Variants in CEP112 observed in about 807,000 individuals in gnomAD.
CEP112 encodes centrosomal protein of 112 kDa.
Under a neutral mutation model 153.0 loss-of-function variants are expected in CEP112, and 127 were observed. That is an observed-to-expected ratio of 0.83 (90% CI 0.72 to 0.96). The LOEUF (loss-of-function observed/expected upper bound fraction) is 0.96. Among genes scored for constraint, CEP112 ranks in the 40% least tolerant of loss-of-function variants. The probability of loss-of-function intolerance (pLI) is 0.00; values close to 1 mark genes in which losing one functional copy is unlikely to be tolerated. For synonymous variants in CEP112, 358 were observed against 374.4 expected (o/e 0.96, Z 0.51); for missense variants, 1,089 against 1,101.2 (o/e 0.99, Z 0.16).
chr17:65,644,374 AT>A, intron 24 of CEP112: 1 of 560,194 alleles, frequency 1.8e-6, no homozygotes. Context: ...CAAGTCTGGC[AT>A]TTTCCAGGGT....
intron 19 of CEP112, among the ~76,000 whole-genome samples, chr17:65,916,287 G>GTGTGTATGTA (rs1555711272): frequency 0.052 from 7,721 of 147,278 alleles, 221 homozygotes; most frequent in Middle Eastern, 0.07. Flanking sequence ...GTGTGTGTGT[G>GTGTGTATGTA]TGTGTATGTG....
chr17:66,149,110 C>A (rs1297884655), intron 4 of CEP112, among the ~76,000 whole-genome samples: 2 of 152,168 alleles, frequency 1.3e-5, no homozygotes, highest in Non-Finnish European at 2.9e-5. Flanking sequence ...TCCTTTGATT[C>A]TGTTAATGCT....
At chr17:65,899,297 T>C (rs1028339799) in intron 20 of CEP112, among the ~76,000 whole-genome samples, 1 of 152,132 alleles carries the variant, frequency 6.6e-6, no homozygotes, top group South Asian at 2.1e-4. Flanking sequence ...TCTTGTATGA[T>C]GGTGGTAAAA....
chr17:65,799,821 C>T (rs2055157061), intron 21 of CEP112, among the ~76,000 whole-genome samples: 1 of 152,234 alleles, frequency 6.6e-6, no homozygotes, highest in African/African-American at 2.4e-5. Context: ...ATTGCTCACA[C>T]ACACACTGGC....
At chr17:66,125,046 AT>A (rs2069777938) in intron 6 of CEP112, among the ~76,000 whole-genome samples, 1 of 152,150 alleles carries the variant, frequency 6.6e-6, no homozygotes, top group African/African-American at 2.4e-5. Context: ...AATAATAAAT[AT>A]TTACTATTTA....
chr17:66,025,920 T>TACACATACACACACACACACACACAC (rs2065182341), intron 16 of CEP112, among the ~76,000 whole-genome samples: 5 of 124,592 alleles, frequency 4.0e-5, no homozygotes, highest in Non-Finnish European at 6.7e-5. Flanking sequence ...AAATGTGGCA[T>TACACATACACACACACACACACACAC]ACACACACAC....
chr17:65,967,962 TATG>T (rs1168976741), intron 17 of CEP112, among the ~76,000 whole-genome samples: 2 of 152,164 alleles, frequency 1.3e-5, no homozygotes, highest in Non-Finnish European at 2.9e-5. Context: ...AAATCCCACA[TATG>T]ATGCTATTTT....
intron 23 of CEP112, among the ~76,000 whole-genome samples, chr17:65,702,947 C>T (rs973159261): frequency 1.3e-5 from 2 of 152,114 alleles, no homozygotes; most frequent in East Asian, 1.9e-4. Context: ...TCCCATGACA[C>T]GTGGGGATTA....
intron 17 of CEP112, among the ~76,000 whole-genome samples, chr17:65,995,694 ATGTCT>A (rs1485846007): frequency 2.0e-5 from 3 of 152,088 alleles, no homozygotes; most frequent in Non-Finnish European, 2.9e-5. Context: ...CTTTTACAAA[ATGTCT>A]GATTTTTACC....
intron 6 of CEP112, among the ~76,000 whole-genome samples, chr17:66,104,442 GAGCCCTTGGTCTCTGAATGCTC>G (rs1263477129): frequency 6.6e-6 from 1 of 152,154 alleles, no homozygotes; most frequent in Admixed American, 6.6e-5. Flanking sequence ...GCTGACTAAA[GAGCCCTTGGTCTCTGAATGCTC>G]AGCAGTGACA....
intron 4 of CEP112, among the ~76,000 whole-genome samples, chr17:66,149,537 T>C (rs1443181304): frequency 2.6e-5 from 4 of 152,220 alleles, no homozygotes; most frequent in Non-Finnish European, 5.9e-5. Context: ...TATTCTATTC[T>C]TCATAATTTA....
At chr17:66,027,423 T>C (rs2065260841) in intron 16 of CEP112, 78 bp downstream of exon 16, 2 of 1,218,040 alleles carry the variant, frequency 1.6e-6, no homozygotes, top group South Asian at 1.5e-5. Flanking sequence ...TGAGAATGTA[T>C]GGTTTCATAA....
chr17:65,648,231 C>T (rs1598186214), intron 24 of CEP112, among the ~76,000 whole-genome samples: 1 of 152,156 alleles, frequency 6.6e-6, no homozygotes, highest in African/African-American at 2.4e-5. Context: ...AGGGGCTTCC[C>T]TCTCTCCACC....
intron 17 of CEP112, among the ~76,000 whole-genome samples, chr17:65,970,265 TTACA>T (rs1246743459): frequency 2.0e-5 from 3 of 152,026 alleles, no homozygotes; most frequent in Admixed American, 6.6e-5. Context: ...TGCACACATA[TTACA>T]TGCATGTATG....
rs181889129 is a variant in CEP112, at chr17:66,168,385, A to G, written c.470+6659T>C. Among the ~76,000 whole-genome samples, 1,083 of 150,168 alleles carry G rather than the reference A, an allele frequency of 7.2e-3. 6 individuals carry two copies. Among genetic ancestry groups the G allele is most frequent in the Admixed American group, 0.012 (174 of 14,838 alleles). On this transcript the variant is annotated intron_variant, in intron 4 of 26. Coordinates refer to ENST00000535342, the MANE Select transcript of CEP112 (RefSeq NM_001199165.4). ...GATCTTGCCATAATAACCTATATAT[A>G]TGTGTGTGTATATATATGTGTATAT...
chr17:65,676,884 A>G (rs1412172614), intron 24 of CEP112, among the ~76,000 whole-genome samples: 5 of 152,204 alleles, frequency 3.3e-5, no homozygotes, highest in Non-Finnish European at 5.9e-5. Context: ...CTTAAGCTGA[A>G]GAGTAGAAAA....
intron 21 of CEP112, among the ~76,000 whole-genome samples, chr17:65,806,412 G>C (rs192464806): frequency 9.8e-5 from 15 of 152,320 alleles, no homozygotes; most frequent in African/African-American, 3.4e-4. Flanking sequence ...TCATGTGTTG[G>C]AAAGTTAATC....
At chr17:65,780,977 A>G (rs1172095713) in intron 21 of CEP112, among the ~76,000 whole-genome samples, 2 of 152,138 alleles carry the variant, frequency 1.3e-5, no homozygotes, top group East Asian at 1.9e-4. Context: ...TATTAATTGG[A>G]AAGTTTATAA....
chr17:65,956,359 C>T (rs758818617), intron 18 of CEP112, among the ~76,000 whole-genome samples: 11 of 151,300 alleles, frequency 7.3e-5, no homozygotes, highest in Non-Finnish European at 1.5e-4. Flanking sequence ...CCCAAATGCC[C>T]GTAAGTCAAC....
Sources: gnomAD v4.1 joint callset for allele counts (sites outside exome capture counted in the v4.1 genomes callset) on GRCh38, gnomAD v4.1.1 for gene constraint, MANE v1.5 for transcripts, NCBI Gene and HGNC (gene_info 2026-07-23, HGNC 2026-07-21) for gene names.